Variants in KHDRBS3 observed in about 807,000 individuals in gnomAD.
KHDRBS3 encodes the protein KH domain-containing, RNA-binding, signal transduction-associated protein 3.
A neutral mutation model predicts 45.6 loss-of-function variants in KHDRBS3; 23 were observed. That is an observed-to-expected ratio of 0.50 (90% CI 0.36 to 0.72). The LOEUF is 0.72. Ranked by LOEUF, KHDRBS3 falls within the 30% of genes least tolerant of loss-of-function variation. The pLI, the probability that KHDRBS3 is intolerant of heterozygous loss-of-function variation, is 0.00. For synonymous variants in KHDRBS3, 162 were observed against 156.5 expected (o/e 1.04, Z -0.26); for missense variants, 352 against 424.8 (o/e 0.83, Z 1.51).
intron 2 of KHDRBS3, 141 bp from the exon 3 acceptor site, chr8:135,542,513 T>C: frequency 1.6e-6 from 1 of 606,240 alleles, no homozygotes; most frequent in African/African-American, 1.8e-5. Flanking sequence ...GGAAACATCA[T>C]ATTTTAATGC....
intron 1 of KHDRBS3, among the ~76,000 whole-genome samples, chr8:135,484,295 G>T (rs951122288): frequency 1.3e-5 from 2 of 152,222 alleles, no homozygotes; most frequent in Non-Finnish European, 1.5e-5. Context: ...TCACGCCTTA[G>T]TACACTCCCT....
chr8:135,473,466 G>T (rs552170255), intron 1 of KHDRBS3, among the ~76,000 whole-genome samples: 1 of 152,118 alleles, frequency 6.6e-6, no homozygotes, highest in South Asian at 2.1e-4. Context: ...GAGGGTCTAG[G>T]TCATGCCTCG....
rs1299688468 is a variant in KHDRBS3, at chr8:135,535,298, ATAGT to A, written c.208-7353_208-7350del. On this transcript the variant is annotated intron_variant, in intron 2 of 8. Coordinates refer to ENST00000355849, the MANE Select transcript of KHDRBS3 (RefSeq NM_006558.3). ...TTAAACTATATATAAACTATTATAT[ATAGT>A]TAAACTATATATAAACTATTATATA... Among the ~76,000 whole-genome samples, 13 of 112,760 alleles carry A rather than the reference ATAGT, an allele frequency of 1.2e-4. 1 individual carries two copies. In the East Asian group the frequency reaches 1.5e-3, roughly 13 times the overall value. The allele number at this position is 112,760 out of a possible 152,430, so 74.0% of individuals were successfully genotyped here.
chr8:135,547,019 A>G (rs1826339559), intron 3 of KHDRBS3, among the ~76,000 whole-genome samples: 1 of 152,184 alleles, frequency 6.6e-6, no homozygotes, highest in Non-Finnish European at 1.5e-5. Flanking sequence ...TCTATTAGAA[A>G]AGGATAAGTG....
At chr8:135,527,181 C>T (rs192509234) in intron 2 of KHDRBS3, among the ~76,000 whole-genome samples, 51 of 152,184 alleles carry the variant, frequency 3.4e-4, no homozygotes, top group Admixed American at 9.2e-4. Flanking sequence ...CTGGGAAAAT[C>T]GAAGTGGTTA....
chr8:135,634,386 A>G (rs893879796), intron 7 of KHDRBS3, among the ~76,000 whole-genome samples: 10 of 152,200 alleles, frequency 6.6e-5, no homozygotes, highest in African/African-American at 1.9e-4. Flanking sequence ...CCAGACCTTC[A>G]ATTTTTGTAA....
intron 1 of KHDRBS3, among the ~76,000 whole-genome samples, chr8:135,508,347 G>A (rs1258616989): frequency 6.6e-6 from 1 of 152,146 alleles, no homozygotes; most frequent in Non-Finnish European, 1.5e-5. Context: ...ATGCCAGCGG[G>A]ATAAATGAGA....
intron 4 of KHDRBS3, among the ~76,000 whole-genome samples, chr8:135,551,138 C>T (rs1425196459): frequency 6.6e-6 from 1 of 152,036 alleles, no homozygotes; most frequent in Non-Finnish European, 1.5e-5. Context: ...AGAATCACTA[C>T]AATGATTAAG....
At chr8:135,494,790 A>T (rs1030771784) in intron 1 of KHDRBS3, among the ~76,000 whole-genome samples, 2 of 152,112 alleles carry the variant, frequency 1.3e-5, no homozygotes, top group African/African-American at 2.4e-5. Context: ...CATCCCCTCC[A>T]CCATCGCCAT....
chr8:135,643,256 C>T (rs1831140852), intron 7 of KHDRBS3, among the ~76,000 whole-genome samples: 1 of 152,192 alleles, frequency 6.6e-6, no homozygotes, highest in Admixed American at 6.5e-5. Flanking sequence ...CACCTGTCTT[C>T]ACCTTCACCC....
At chr8:135,521,089 A>G in intron 1 of KHDRBS3, 148 bp from the exon 2 acceptor site, 1 of 624,530 alleles carries the variant, frequency 1.6e-6, no homozygotes, top group South Asian at 2.1e-5. Context: ...CATTGATGAA[A>G]CCGGAAATGT....
rs373037982 is a variant in KHDRBS3, at chr8:135,548,789, C to T, written c.360C>T (p.Tyr120=). ...EELRKSGEAK[Y]FHLNDDLHVL... is the part of the protein sequence containing the mutation. ...TGAGGAAAAGTGGAGAAGCGAAGTA[C>T]TTCCATCTCAATGATGATCTCCATG... is the stretch of plus-strand genomic sequence containing the variant. The change falls in exon 4 of 9, where the codon TAC becomes TAT. Residue 120 remains tyrosine (Y), a synonymous_variant. Coordinates refer to ENST00000355849, the MANE Select transcript of KHDRBS3 (RefSeq NM_006558.3). 110 of 1,577,664 alleles carry T rather than the reference C, an allele frequency of 7.0e-5. No homozygotes were observed. The highest frequency in any genetic ancestry group is 8.9e-5 in the Non-Finnish European group (103 of 1,162,078).
intron 7 of KHDRBS3, among the ~76,000 whole-genome samples, chr8:135,613,061 G>C (rs889397198): frequency 6.6e-6 from 1 of 151,794 alleles, no homozygotes. Context: ...AAGCAAGACA[G>C]CAAGACAGTC....
At chr8:135,465,742 T>C (rs1563696640) in intron 1 of KHDRBS3, among the ~76,000 whole-genome samples, 2 of 152,242 alleles carry the variant, frequency 1.3e-5, no homozygotes, top group Non-Finnish European at 2.9e-5. Context: ...CATAATTTTT[T>C]ACATTTCCAT....
At chr8:135,465,684 T>C (rs184681604) in intron 1 of KHDRBS3, among the ~76,000 whole-genome samples, 2 of 152,326 alleles carry the variant, frequency 1.3e-5, no homozygotes, top group Non-Finnish European at 2.9e-5. Context: ...GCAGCCTCTT[T>C]CCACAAGCAC....
chr8:135,579,094 G>A (rs1375581371), intron 5 of KHDRBS3, among the ~76,000 whole-genome samples: 2 of 152,074 alleles, frequency 1.3e-5, no homozygotes, highest in African/African-American at 4.8e-5. Context: ...GGGTTTTGGG[G>A]ACTATTTTTG....
rs138658083 is a variant in KHDRBS3, at chr8:135,525,638, A to C, written c.207+4283A>C. 2.3e-4 allele frequency among the ~76,000 whole-genome samples: 35 copies of C among 152,272 alleles called. 1 individual carries two copies. Among genetic ancestry groups the C allele is most frequent in the African/African-American group, 8.2e-4 (34 of 41,568 alleles). On this transcript the variant is annotated intron_variant, in intron 2 of 8. Coordinates refer to ENST00000355849, the MANE Select transcript of KHDRBS3 (RefSeq NM_006558.3). ...CAGCCATACCTGCAGAACTCAGGGGAATATATGTGTCTTGTAAACAGAAAA... is the reference window on the plus strand; with the variant it reads ...CAGCCATACCTGCAGAACTCAGGGGCATATATGTGTCTTGTAAACAGAAAA...
chr8:135,645,084 C>G lies in KHDRBS3; in HGVS notation c.916C>G (p.His306Asp), dbSNP rs1831227378. The change falls in exon 8 of 9, where the codon CAT becomes GAT. Residue 306 changes from histidine (H) to aspartate (D), a missense_variant. His to Asp is a moderately conservative substitution (Grantham distance 81, BLOSUM62 -1). This residue lies in a region of KHDRBS3 where 212 missense variants were observed against 209.6 expected (regional missense o/e 1.01). Transcript: ENST00000355849. ...TGGTGCTGATTACTATGATTACGGA[C>G]ATGGACTCAGTGAGGAGACTTATGA... ...QSGADYYDYG[H>D]GLSEETYDSY... is the part of the protein sequence containing the mutation. The G allele has an allele frequency of 6.2e-7, 1 of 1,613,506 alleles. No homozygotes were observed. Among genetic ancestry groups the G allele is most frequent in the Non-Finnish European group, 8.5e-7 (1 of 1,179,882 alleles).
chr8:135,500,564 G>C (rs1293323241), intron 1 of KHDRBS3, among the ~76,000 whole-genome samples: 5 of 152,168 alleles, frequency 3.3e-5, no homozygotes, highest in African/African-American at 1.2e-4. Context: ...GGCTGGGCTG[G>C]GTGGGAAGAG....
Sources: gnomAD v4.1 joint callset for allele counts (sites outside exome capture counted in the v4.1 genomes callset) on GRCh38, gnomAD v4.1.1 for gene constraint, gnomAD v4.1.1 regional missense constraint, MANE v1.5 for transcripts, NCBI Gene and HGNC (gene_info 2026-07-23, HGNC 2026-07-21) for gene names.